Variants in WFDC3 observed in about 807,000 individuals in gnomAD.
WFDC3 encodes the protein WAP four-disulfide core domain protein 3.
A neutral mutation model predicts 25.8 loss-of-function variants in WFDC3; 15 were observed. The ratio of observed to expected loss-of-function variants is 0.58; its 90% CI spans 0.39 to 0.89. The LOEUF (loss-of-function observed/expected upper bound fraction) is 0.89. Ranked by LOEUF, WFDC3 falls within the 40% of genes least tolerant of loss-of-function variation. WFDC3 has a pLI of 0.00. For missense variants in WFDC3, 264 were observed against 289.8 expected (o/e 0.91, Z 0.65); for synonymous variants, 103 against 107.1 (o/e 0.96, Z 0.24).
chr20:45,775,329 CCTT>C, intron 6 of WFDC3, 85 bp downstream of exon 6: 1 of 1,520,438 alleles, frequency 6.6e-7, no homozygotes, highest in Non-Finnish European at 8.9e-7. Context: ...CTTTTCCTGA[CCTT>C]CTGAAGTCCC....
At position 45,776,318 on chromosome 20, in the gene WFDC3, G is replaced by GTGTGTGTGTGTGTGTGTGTA. The variant is rs58644271; in HGVS notation, c.494-717_494-716insTACACACACACACACACACA. 9.3e-3 allele frequency among the ~76,000 whole-genome samples: 1,306 copies of GTGTGTGTGTGTGTGTGTGTA among 139,828 alleles called. 21 individuals carry two copies. The highest frequency in any genetic ancestry group is 0.014 in the Non-Finnish European group (925 of 64,138). 91.7% of individuals were successfully genotyped at this position (139,828 alleles called of 152,430 possible). On this transcript the variant is annotated intron_variant, in intron 5 of 6. Coordinates refer to ENST00000243938, the MANE Select transcript of WFDC3 (RefSeq NM_080614.2). ...TGTGTGTGTGTGTGTGTGTGTGTGT[G>GTGTGTGTGTGTGTGTGTGTA]TGTTTCCAGCTGGGCGTGGTGGCTC...
intron 4 of WFDC3, among the ~76,000 whole-genome samples, chr20:45,787,284 T>C (rs1334536859): frequency 6.3e-4 from 62 of 98,732 alleles, no homozygotes; most frequent in Non-Finnish European, 1.1e-3. Flanking sequence ...TCTTTTTTCT[T>C]TTTTTTTTTT....
rs1473185450 is a variant in WFDC3 at position 45,790,797 on chromosome 20, T to C, written c.-7-815A>G. 9 of 407,428 alleles carry C rather than the reference T, an allele frequency of 2.2e-5. No homozygotes were observed. In the Admixed American group the frequency reaches 2.9e-4, roughly 13 times the overall value. 25.2% of individuals were successfully genotyped at this position (407,428 alleles called of 1,614,324 possible). A position where few individuals can be genotyped will look rare whatever the true frequency, so the allele number is the denominator to read the frequency against. On this transcript the variant is annotated intron_variant, in intron 1 of 6. Coordinates refer to ENST00000243938, the MANE Select transcript of WFDC3 (RefSeq NM_080614.2). ...AGCAGTAGTTGAGTTTGTTAAGAAC[T>C]AATGAAAAGCACCAAACACCTACAT...
intron 1 of WFDC3, among the ~76,000 whole-genome samples, chr20:45,790,308 A>G (rs537700833): frequency 5.6e-4 from 86 of 152,344 alleles, no homozygotes; most frequent in African/African-American, 1.8e-3. Context: ...AATCAAAGAG[A>G]GCCCTAAAGG....
rs1980762348 is a variant in WFDC3 at position 45,787,921 on chromosome 20, A to T, written c.273T>A (p.Thr91=). 1.2e-6 allele frequency: 2 copies of T among 1,614,026 alleles called. No individual in the cohort carries two copies. Among genetic ancestry groups the T allele is most frequent in the African/African-American group, 2.7e-5 (2 of 74,922 alleles). The change falls in exon 4 of 7, where the codon ACT becomes ACA. Residue 91 remains threonine (T), a synonymous_variant. Transcript: ENST00000243938. ...RKQSCLKRCI[T]DETCPGVKKC... ...TCTTTACACCTGGACATGTCTCATCAGTGATGCACCTTTTCAAACAGGATT... is the reference window on the plus strand; with the variant it reads ...TCTTTACACCTGGACATGTCTCATCTGTGATGCACCTTTTCAAACAGGATT...
Position 45,777,072 on chromosome 20 carries a change from T to C in WFDC3, c.493+3A>G. 6.2e-7 allele frequency: 1 copy of C among 1,612,654 alleles called. No homozygotes were observed. Among genetic ancestry groups the C allele is most frequent in the Middle Eastern group, 1.9e-4 (1 of 5,344 alleles). ...GGATTTCTTCCCAAAAGAGCCAACATACCTCCCTCAATGTCTCCGAGGCAG... is the reference window on the plus strand; with the variant it reads ...GGATTTCTTCCCAAAAGAGCCAACACACCTCCCTCAATGTCTCCGAGGCAG... On this transcript the variant is annotated splice_donor_region_variant and intron_variant, in intron 5 of 6. Transcript: ENST00000243938.
rs566456300 is a variant in WFDC3, at chr20:45,774,507, T to C, written c.680-63A>G. ...TCCTGGCTTCAGCTACCTGAAATGT[T>C]TTCCCTCCACCCTAGGAAAGCTTGG... On this transcript the variant is annotated intron_variant, in intron 6 of 6. Transcript: ENST00000243938. The C allele has an allele frequency of 6.9e-5, 111 of 1,612,814 alleles. 1 individual carries two copies. The Admixed American group carries it at 1.3e-3, about 18-fold the overall frequency.
At chr20:45,776,635 A>ATATATAT (rs1219644731) in intron 5 of WFDC3, among the ~76,000 whole-genome samples, 5 of 92,938 alleles carry the variant, frequency 5.4e-5, no homozygotes, top group Non-Finnish European at 1.0e-4. Context: ...AAAAAAAAAA[A>ATATATAT]ATATATATAT....
intron 6 of WFDC3, among the ~76,000 whole-genome samples, chr20:45,774,697 T>G (rs1980052537): frequency 6.6e-6 from 1 of 152,142 alleles, no homozygotes; most frequent in Non-Finnish European, 1.5e-5. Context: ...ATCCCAGCAC[T>G]TTGGGAGGCC....
At chr20:45,777,604 A>C (rs1313513732) in intron 4 of WFDC3, among the ~76,000 whole-genome samples, 1 of 152,184 alleles carries the variant, frequency 6.6e-6, no homozygotes, top group Non-Finnish European at 1.5e-5. Context: ...TTGCAGCCTG[A>C]AACTCCTGTG....
At chr20:45,776,321 TTTCCAGCTGG>T (rs1980152776) in intron 5 of WFDC3, among the ~76,000 whole-genome samples, 1 of 149,000 alleles carries the variant, frequency 6.7e-6, no homozygotes, top group African/African-American at 2.5e-5. Flanking sequence ...TGTGTGTGTG[TTTCCAGCTGG>T]GCGTGGTGGC....
At chr20:45,784,657 C>T (rs1437842841) in intron 4 of WFDC3, among the ~76,000 whole-genome samples, 1 of 152,186 alleles carries the variant, frequency 6.6e-6, no homozygotes, top group East Asian at 1.9e-4. Context: ...AGGAGAATCG[C>T]TTGAACCTGG....
chr20:45,788,746 G>T, intron 3 of WFDC3, 185 bp downstream of exon 3: 1 of 717,882 alleles, frequency 1.4e-6, no homozygotes, highest in Non-Finnish European at 2.1e-6. Context: ...TTTCCTGATG[G>T]AAGGCAAACA....
rs367754652 is a variant in WFDC3 at position 45,788,028 on chromosome 20, G to A, written c.212-46C>T. On this transcript the variant is annotated intron_variant, in intron 3 of 6. Transcript: ENST00000243938. The stretch of plus-strand genomic sequence containing the variant: ...GCAAAGAAAAGAGAAAATAGGCCGA[G>A]CGCCATGGCTCACACCTGTAATCCC... 4.0e-5 allele frequency: 64 copies of A among 1,590,790 alleles called. No individual in the cohort carries two copies. In the African/African-American group the frequency reaches 8.1e-4, roughly 20 times the overall value.
intron 4 of WFDC3, chr20:45,778,804 G>A (rs543063993): frequency 2.6e-5 from 4 of 151,702 alleles, no homozygotes; most frequent in African/African-American, 7.3e-5. Context: ...CTACTTTGTG[G>A]CATCTAACCA....
Position 45,786,155 on chromosome 20 carries a change from C to A in WFDC3, c.358+1681G>T, listed in dbSNP as rs1180952195. Among the ~76,000 whole-genome samples the A allele has an allele frequency of 2.0e-5, 3 of 152,158 alleles. No individual in the cohort carries two copies. In the East Asian group the frequency reaches 5.8e-4, roughly 29 times the overall value. ...TGGCTCACGCCAGCCCTTGGGAGGC[C>A]AAGGCAGGTGGATCACTTGAGGCCA... On this transcript the variant is annotated intron_variant, in intron 4 of 6. Transcript: ENST00000243938.
rs1980232775 is a variant in WFDC3, at chr20:45,777,224, C to A, written c.359-15G>T. 2 of 1,504,728 alleles carry A rather than the reference C, an allele frequency of 1.3e-6. No homozygotes were observed. Among genetic ancestry groups the A allele is most frequent in the South Asian group, 2.7e-5 (2 of 73,876 alleles). The allele number at this position is 1,504,728 out of a possible 1,614,324, so 93.2% of individuals were successfully genotyped here. On this transcript the variant is annotated splice_polypyrimidine_tract_variant and intron_variant, in intron 4 of 6. Coordinates refer to ENST00000243938, the MANE Select transcript of WFDC3 (RefSeq NM_080614.2). Reference sequence around the variant, plus strand: ...ACCAAACTCTGCTACATAATCAAAGCATTGGAGCCCAGAGACGCTCACAAT... The same window carrying A: ...ACCAAACTCTGCTACATAATCAAAGAATTGGAGCCCAGAGACGCTCACAAT...
intron 1 of WFDC3, 87 bp from the exon 2 acceptor site, chr20:45,790,069 G>A (rs970497263): frequency 3.9e-6 from 4 of 1,013,638 alleles, no homozygotes; most frequent in Non-Finnish European, 1.5e-6. Context: ...GACTAGGGAT[G>A]GCCCCAAACC....
chr20:45,788,746 G>A (rs879578141), intron 3 of WFDC3, 185 bp downstream of exon 3: 9 of 717,766 alleles, frequency 1.3e-5, no homozygotes, highest in African/African-American at 1.1e-4. Context: ...TTTCCTGATG[G>A]AAGGCAAACA....
Sources: gnomAD v4.1 joint callset for allele counts (sites outside exome capture counted in the v4.1 genomes callset) on GRCh38, gnomAD v4.1.1 for gene constraint, MANE v1.5 for transcripts, NCBI Gene and HGNC (gene_info 2026-07-23, HGNC 2026-07-21) for gene names.